OPCML: variants seen among roughly 807,000 people sequenced by gnomAD.
OPCML encodes the protein opioid binding protein/cell adhesion molecule like.
OPCML carries 13 observed loss-of-function variants against 37.8 expected under a neutral mutation model. The ratio of observed to expected loss-of-function variants is 0.34; its 90% CI spans 0.22 to 0.55. The LOEUF (loss-of-function observed/expected upper bound fraction) is 0.55, where lower values mean the gene tolerates loss of function less well. Ranked by LOEUF, OPCML falls within the 20% of genes least tolerant of loss-of-function variation. The probability of loss-of-function intolerance (pLI) is 0.91; values close to 1 mark genes in which losing one functional copy is unlikely to be tolerated. For synonymous variants in OPCML, 176 were observed against 168.8 expected (o/e 1.04, Z -0.33); for missense variants, 341 against 435.6 (o/e 0.78, Z 1.93).
intron 1 of OPCML, among the ~76,000 whole-genome samples, chr11:133,356,355 T>C (rs1396568216): frequency 6.6e-6 from 1 of 152,202 alleles, no homozygotes; most frequent in Admixed American, 6.5e-5. Context: ...ATCTAACAAA[T>C]AGTTTTGTTG....
chr11:132,745,048 T>C (rs1033767749), intron 2 of OPCML, among the ~76,000 whole-genome samples: 5 of 152,190 alleles, frequency 3.3e-5, no homozygotes, highest in Non-Finnish European at 5.9e-5. Context: ...GGCTCACTGC[T>C]GCACCAGTCT....
intron 3 of OPCML, among the ~76,000 whole-genome samples, chr11:132,569,934 T>A (rs957606981): frequency 2.6e-5 from 4 of 151,044 alleles, no homozygotes; most frequent in African/African-American, 7.3e-5. Context: ...GCCTTGATCC[T>A]AAATGATGCA....
chr11:132,683,605 A>C lies in OPCML; in HGVS notation c.147-26286T>G, dbSNP rs1943043957. Among the ~76,000 whole-genome samples, 4 of 152,372 alleles carry C rather than the reference A, an allele frequency of 2.6e-5. No homozygotes were observed. In the South Asian group the frequency reaches 8.3e-4, roughly 32 times the overall value. On this transcript the variant is annotated intron_variant, in intron 2 of 7. Transcript: ENST00000524381. ...TGACACCATCTCAGACTGTGAGAAT[A>C]AAATGAGAAGTTTGTAAAAGACATT...
intron 2 of OPCML, among the ~76,000 whole-genome samples, chr11:132,886,859 T>A (rs528864614): frequency 5.9e-5 from 9 of 152,308 alleles, no homozygotes; most frequent in African/African-American, 1.9e-4. Flanking sequence ...GTTTCCTGAC[T>A]TCTTGCATAT....
chr11:133,010,310 C>T (rs1426549661), intron 1 of OPCML, among the ~76,000 whole-genome samples: 1 of 152,118 alleles, frequency 6.6e-6, no homozygotes, highest in African/African-American at 2.4e-5. Context: ...GTTTGCTATA[C>T]AGAAAGTGTT....
intron 4 of OPCML, among the ~76,000 whole-genome samples, chr11:132,450,030 A>G (rs2096064670): frequency 6.6e-6 from 1 of 152,066 alleles, no homozygotes. Context: ...TGGTTCTGGG[A>G]GATGGAGCCT....
At chr11:133,329,167 C>A (rs1214335877) in intron 1 of OPCML, among the ~76,000 whole-genome samples, 1 of 152,084 alleles carries the variant, frequency 6.6e-6, no homozygotes, top group Non-Finnish European at 1.5e-5. Context: ...CAAACCACTG[C>A]TCAAGGAAAT....
chr11:132,568,452 G>T (rs2096429532), intron 3 of OPCML, among the ~76,000 whole-genome samples: 1 of 152,272 alleles, frequency 6.6e-6, no homozygotes, highest in South Asian at 2.1e-4. Context: ...CAGGGTCTTT[G>T]CAGACATAAC....
At chr11:132,713,451 A>T (rs552645226) in intron 2 of OPCML, among the ~76,000 whole-genome samples, 1 of 152,344 alleles carries the variant, frequency 6.6e-6, no homozygotes, top group African/African-American at 2.4e-5. Flanking sequence ...TGTCATTATA[A>T]ATAGAAGCCA....
intron 2 of OPCML, among the ~76,000 whole-genome samples, chr11:132,665,114 G>A (rs1029057452): frequency 6.6e-6 from 1 of 152,150 alleles, no homozygotes; most frequent in Non-Finnish European, 1.5e-5. Context: ...TGTGTGTGTG[G>A]AGCGGGAGGG....
chr11:132,605,208 C>A (rs1393617008), intron 3 of OPCML, among the ~76,000 whole-genome samples: 1 of 152,056 alleles, frequency 6.6e-6, no homozygotes, highest in African/African-American at 2.4e-5. Flanking sequence ...TGCAAATGCA[C>A]CTTTAATAGT....
At chr11:132,802,670 G>A (rs911065338) in intron 2 of OPCML, among the ~76,000 whole-genome samples, 7 of 152,114 alleles carry the variant, frequency 4.6e-5, no homozygotes. Flanking sequence ...ACGACTCTAG[G>A]CATTAGATGT....
intron 2 of OPCML, among the ~76,000 whole-genome samples, chr11:132,915,558 T>C (rs188462569): frequency 3.0e-4 from 46 of 152,356 alleles, no homozygotes; most frequent in Admixed American, 2.6e-3. Context: ...CTAATTTGTA[T>C]AGATATGGAC....
chr11:132,485,386 GT>G (rs2096196483), intron 4 of OPCML, among the ~76,000 whole-genome samples: 1 of 152,142 alleles, frequency 6.6e-6, no homozygotes. Flanking sequence ...TTTGTTTTGA[GT>G]TATAATTTAC....
intron 2 of OPCML, among the ~76,000 whole-genome samples, chr11:132,889,296 G>C (rs988652681): frequency 1.3e-5 from 2 of 152,154 alleles, no homozygotes; most frequent in African/African-American, 4.8e-5. Flanking sequence ...CCAAGCACGG[G>C]CAAGTGCTAC....
At chr11:132,749,667 C>T (rs1227335537) in intron 2 of OPCML, among the ~76,000 whole-genome samples, 1 of 151,940 alleles carries the variant, frequency 6.6e-6, no homozygotes, top group African/African-American at 2.4e-5. Flanking sequence ...CCCAGGGGTA[C>T]AGTAAAGACA....
chr11:133,127,765 GA>G (rs1200923716), intron 1 of OPCML, among the ~76,000 whole-genome samples: 3 of 151,788 alleles, frequency 2.0e-5, no homozygotes, highest in Non-Finnish European at 4.4e-5. Flanking sequence ...TAATTAAGAA[GA>G]AAAAAAGAAA....
At chr11:132,751,391 T>C (rs1945827823) in intron 2 of OPCML, among the ~76,000 whole-genome samples, 1 of 151,976 alleles carries the variant, frequency 6.6e-6, no homozygotes, top group South Asian at 2.1e-4. Flanking sequence ...TGGGTGAGAG[T>C]CAGAAACTTG....
intron 3 of OPCML, among the ~76,000 whole-genome samples, chr11:132,632,638 A>G (rs960289792): frequency 6.6e-6 from 1 of 151,998 alleles, no homozygotes; most frequent in African/African-American, 2.4e-5. Flanking sequence ...AGCCCGGTAT[A>G]TCTACTCCTT....
Sources: allele counts gnomAD v4.1 joint callset (sites outside exome capture counted in the v4.1 genomes callset), GRCh38; gene constraint gnomAD v4.1.1; transcripts MANE v1.5; gene names NCBI Gene and HGNC (gene_info 2026-07-23, HGNC 2026-07-21).